Variants in SHANK1 observed in about 807,000 individuals in gnomAD.
The protein encoded by SHANK1 is SH3 and multiple ankyrin repeat domains 1.
In SHANK1, 35 loss-of-function variants were observed where a neutral mutation model predicts 165.6. That is an observed-to-expected ratio of 0.21 (90% CI 0.16 to 0.28). The LOEUF (loss-of-function observed/expected upper bound fraction) is 0.28, where lower values mean the gene tolerates loss of function less well. Ranked by LOEUF, SHANK1 falls within the 10% of genes least tolerant of loss-of-function variation. The pLI, the probability that SHANK1 is intolerant of heterozygous loss-of-function variation, is 1.00. For missense variants in SHANK1, 2,681 were observed against 3,036.4 expected, an observed-to-expected ratio of 0.88 and a Z score of 2.75; for synonymous variants, 1,428 against 1,384.8, an observed-to-expected ratio of 1.03 and a Z score of -0.69.
chr19:50,717,684 T>A lies in SHANK1; in HGVS notation c.-43-722A>T, dbSNP rs1223850457. ...GGGGCATCTTGAGAGGGTGTGCGGG[T>A]AGGTGGGGAGGTCGGCCTGGGGAGT... On this transcript the variant is annotated intron_variant, in intron 1 of 23. Coordinates refer to ENST00000293441, the MANE Select transcript of SHANK1 (RefSeq NM_016148.5). This position sits in a 1 kb window ranked among gnomAD's most constrained non-coding sequence, Gnocchi z 5.5. Among the ~76,000 whole-genome samples the A allele has an allele frequency of 6.6e-6, 1 of 151,598 alleles. No homozygotes were observed. Among genetic ancestry groups the A allele is most frequent in the African/African-American group, 2.4e-5 (1 of 41,216 alleles).
At chr19:50,699,419 G>A (rs1369558883) in intron 12 of SHANK1, among the ~76,000 whole-genome samples, 1 of 152,150 alleles carries the variant, frequency 6.6e-6, no homozygotes, top group African/African-American at 2.4e-5. Flanking sequence ...AAAATAAGAG[G>A]GTGTTTGGAG....
chr19:50,677,603 C>T (rs1986021903), intron 21 of SHANK1, among the ~76,000 whole-genome samples: 1 of 152,142 alleles, frequency 6.6e-6, no homozygotes, highest in Non-Finnish European at 1.5e-5. Context: ...ACCTTGAGAG[C>T]CCAGCAGCAG....
rs116319197 is a variant in SHANK1, at chr19:50,712,172, G to C, written c.793-58C>G. On this transcript the variant is annotated intron_variant, in intron 6 of 23. Coordinates refer to ENST00000293441, the MANE Select transcript of SHANK1 (RefSeq NM_016148.5). ...ACAGATGACAGTCACACATTAACCA[G>C]CTCATTCTGAAGGGCCAGGGGGACT... The C allele has an allele frequency of 4.7e-4, 708 of 1,517,992 alleles. 3 individuals are homozygous for C. The African/African-American group carries it at 9.0e-3, about 19-fold the overall frequency. 94.0% of individuals were successfully genotyped at this position (1,517,992 alleles called of 1,614,324 possible).
chr19:50,702,652 C>A lies in SHANK1; in HGVS notation c.1562G>T (p.Gly521Val). Residue 521 changes from glycine (G) to valine (V), a missense_variant, in exon 12 of 24, where the codon GGG (glycine) becomes GTG (valine). Gly to Val is a moderately radical substitution (Grantham distance 109). This residue lies in a region of SHANK1 where 195 missense variants were observed against 186.2 expected (regional missense o/e 1.05). Coordinates refer to ENST00000293441, the MANE Select transcript of SHANK1 (RefSeq NM_016148.5). The surrounding 1 kb of genome is among the most constrained non-coding windows in gnomAD (Gnocchi z 5.3). ...CCCGGCTGGCCCTTCCCGGGGTGTC[C>A]CGCTGGAGCTGCGTACACAGAGGGC... ...RQPRGRPSSS[G>V]TPREGPAGGT... The A allele has an allele frequency of 6.4e-7, 1 of 1,568,976 alleles. No individual in the cohort carries two copies. Among genetic ancestry groups the A allele is most frequent in the Non-Finnish European group, 8.6e-7 (1 of 1,159,016 alleles).
At chr19:50,712,265 CT>C in intron 6 of SHANK1, 151 bp from the exon 7 acceptor site, 1 of 784,440 alleles carries the variant, frequency 1.3e-6, no homozygotes, top group Non-Finnish European at 2.0e-6. Flanking sequence ...CTTGTGCAAC[CT>C]TGAGCCTGGC....
chr19:50,664,946 A>G (rs1037213011), intron 23 of SHANK1, among the ~76,000 whole-genome samples: 1 of 151,902 alleles, frequency 6.6e-6, no homozygotes, highest in African/African-American at 2.4e-5. Flanking sequence ...TTTAGTAGAG[A>G]TGGGGTTTCA....
chr19:50,666,760 C>T lies in SHANK1; in HGVS notation c.5200G>A (p.Gly1734Ser), dbSNP rs1453722245. ...LLDTYVAYLD[G>S]QAFGGSSTPG... Reference sequence around the variant, plus strand: ...GTACTGCTGCCCCCAAAGGCCTGGCCGTCCAGGTAGGCCACATAGGTGTCC... The same window carrying T: ...GTACTGCTGCCCCCAAAGGCCTGGCTGTCCAGGTAGGCCACATAGGTGTCC... Residue 1734 changes from glycine (G) to serine (S), a missense_variant, in exon 23 of 24, where the codon GGC becomes AGC. This residue lies in a region of SHANK1 where 1,713 missense variants were observed against 1,630.2 expected (regional missense o/e 1.05). Transcript: ENST00000293441. The T allele has an allele frequency of 1.3e-6, 2 of 1,557,032 alleles. No individual in the cohort carries two copies. Among genetic ancestry groups the T allele is most frequent in the East Asian group, 2.4e-5 (1 of 41,882 alleles).
rs748694149 is a variant in SHANK1 at position 50,662,559 on chromosome 19, C to T, written c.5892G>A (p.Ala1964=). 1.9e-5 allele frequency: 30 copies of T among 1,561,578 alleles called. No homozygotes were observed. Among genetic ancestry groups the T allele is most frequent in the Admixed American group, 1.5e-4 (8 of 51,886 alleles). The change falls in exon 24 of 24, where the codon GCG becomes GCA. Residue 1964 remains alanine, a synonymous_variant. Coordinates refer to ENST00000293441, the MANE Select transcript of SHANK1 (RefSeq NM_016148.5). This position sits in a 1 kb window ranked among gnomAD's most constrained non-coding sequence, Gnocchi z 7.7. The part of the protein sequence containing the change: ...TGTGVSPTAA[A]APGATSPSAS... ...CTGAGGGTGAGGTGGCCCCTGGGGC[C>T]GCAGCGGCTGTAGGGGAGACCCCTG... is the stretch of plus-strand genomic sequence containing the variant.
Position 50,659,876 on chromosome 19 carries a change from T to C in SHANK1, c.*2089A>G, listed in dbSNP as rs1167557629. The stretch of plus-strand genomic sequence containing the variant: ...GCAGGCCCCCTGCGGACTGGGGGCA[T>C]CCGACAAGGGGGAGGGGGCGGGTAG... On this transcript the variant is annotated 3_prime_UTR_variant, in exon 24 of 24. Transcript: ENST00000293441. Among the ~76,000 whole-genome samples the C allele has an allele frequency of 6.8e-6, 1 of 147,116 alleles. No individual in the cohort carries two copies.
intron 21 of SHANK1, among the ~76,000 whole-genome samples, chr19:50,676,139 ATT>A (rs11307439): frequency 2.0e-4 from 29 of 148,692 alleles, no homozygotes; most frequent in African/African-American, 4.2e-4. Flanking sequence ...CTCACCCCCA[ATT>A]TTTTTTTTTT....
intron 15 of SHANK1, among the ~76,000 whole-genome samples, chr19:50,695,021 C>T (rs1484932042): frequency 1.3e-5 from 2 of 148,640 alleles, no homozygotes; most frequent in South Asian, 2.1e-4. Flanking sequence ...CCCCCGCCGC[C>T]GACCGCAGAC....
In SHANK1 at chr19:50,659,912, C is replaced by A. The variant is rs572418428; in HGVS notation, c.*2053G>T. 5.7e-3 allele frequency among the ~76,000 whole-genome samples: 851 copies of A among 150,336 alleles called. 10 individuals are homozygous for A. The highest frequency in any genetic ancestry group is 0.02 in the African/African-American group (800 of 40,878). On this transcript the variant is annotated 3_prime_UTR_variant, in exon 24 of 24. Coordinates refer to ENST00000293441, the MANE Select transcript of SHANK1 (RefSeq NM_016148.5). ...GGAGGGGGCGGGTAGGGGTCCAGCG[C>A]GGCCTCTGCCCCTCTCTCACCACCC... is the stretch of plus-strand genomic sequence containing the variant.
chr19:50,662,236 G>T lies in SHANK1; in HGVS notation c.6215C>A (p.Ala2072Asp). The T allele has an allele frequency of 1.9e-6, 3 of 1,610,274 alleles. No homozygotes were observed. The highest frequency in any genetic ancestry group is 1.1e-5 in the South Asian group (1 of 90,726). Residue 2072 changes from alanine (A) to aspartate (D), a missense_variant, in exon 24 of 24, where the codon GCC becomes GAC. Transcript: ENST00000293441. This position sits in a 1 kb window ranked among gnomAD's most constrained non-coding sequence, Gnocchi z 7.7. ...SGGLGGALSGASRSLSPTRLL... is the reference protein window; with the variant it reads ...SGGLGGALSGDSRSLSPTRLL... ...GCGGGTCGGTGAGAGGGAGCGCGAG[G>T]CCCCTGACAAGGCTCCCCCGAGCCC...
chr19:50,711,539 T>A, intron 7 of SHANK1, 52 bp from the exon 8 acceptor site: 1 of 1,345,562 alleles, frequency 7.4e-7, no homozygotes, highest in Non-Finnish European at 1.0e-6. Context: ...CTGTTCTCCC[T>A]CTGGGCCAAG....
chr19:50,679,197 G>T (rs73042597), intron 21 of SHANK1, among the ~76,000 whole-genome samples: 5 of 83,374 alleles, frequency 6.0e-5, no homozygotes, highest in Non-Finnish European at 1.0e-4. Context: ...AGTGTGACGG[G>T]GAGGGGTCAG....
In SHANK1 at chr19:50,668,043, C is replaced by T; in HGVS notation, c.3917G>A (p.Ser1306Asn). 2.0e-6 allele frequency: 3 copies of T among 1,477,740 alleles called. No individual in the cohort carries two copies. The highest frequency in any genetic ancestry group is 2.7e-6 in the Non-Finnish European group (3 of 1,119,716). The allele number at this position is 1,477,740 out of a possible 1,614,324, so 91.5% of individuals were successfully genotyped here. A position where few individuals can be genotyped will look rare whatever the true frequency, so the allele number is the denominator to read the frequency against. Residue 1306 changes from serine to asparagine, a missense_variant, in exon 23 of 24, where the codon AGC becomes AAC. Ser to Asn is a conservative substitution (Grantham distance 46). Around this residue, in one of 10 missense-constraint regions of SHANK1, gnomAD observed 1,713 missense variants for 1,630.2 expected, o/e 1.05. Coordinates refer to ENST00000293441, the MANE Select transcript of SHANK1 (RefSeq NM_016148.5). ...CCCGTAGCCGCCGTAGCCCGCGCCG[C>T]TGCCCGCAGACTCCAGTCGGAGGTA... is the stretch of plus-strand genomic sequence containing the variant. ...EPYLRLESAG[S>N]GAGYGGYGAG... is the part of the protein sequence containing the mutation.
chr19:50,666,867 C>T lies in SHANK1; in HGVS notation c.5093G>A (p.Ser1698Asn). The change falls in exon 23 of 24, where the codon AGC becomes AAC. Residue 1698 changes from serine (S) to asparagine (N), a missense_variant. By Grantham distance (46) the Ser-to-Asn change is conservative (BLOSUM62 1). This residue lies in a region of SHANK1 where 1,713 missense variants were observed against 1,630.2 expected (regional missense o/e 1.05). Coordinates refer to ENST00000293441, the MANE Select transcript of SHANK1 (RefSeq NM_016148.5). ...LETISSASTL[S>N]SLSAEGGGSA... ...GCCACCACCTTCGGCAGATAGGCTG[C>T]TCAGCGTGGAGGCGCTGCTGATGGT... is the stretch of plus-strand genomic sequence containing the variant. 2 of 1,572,936 alleles carry T rather than the reference C, an allele frequency of 1.3e-6. No individual in the cohort carries two copies. The highest frequency in any genetic ancestry group is 1.2e-5 in the South Asian group (1 of 85,678).
rs746362946 is a variant in SHANK1, at chr19:50,661,950, C to G, written c.*15G>C. 1.9e-6 allele frequency: 3 copies of G among 1,612,766 alleles called. No individual in the cohort carries two copies. The highest frequency in any genetic ancestry group is 2.2e-5 in the East Asian group (1 of 44,860). On this transcript the variant is annotated 3_prime_UTR_variant, in exon 24 of 24. Transcript: ENST00000293441. ...AAGAGTTCTGTGGACGGGGCTGGTC[C>G]GTCCAGGCCAGCCATCACCTCTCCA...
At position 50,713,498 on chromosome 19, in the gene SHANK1, G is replaced by C. The variant is rs1430884191; in HGVS notation, c.792+300C>G. Among the ~76,000 whole-genome samples the C allele has an allele frequency of 6.6e-6, 1 of 152,056 alleles. No individual in the cohort carries two copies. Among genetic ancestry groups the C allele is most frequent in the East Asian group, 1.9e-4 (1 of 5,190 alleles). The stretch of plus-strand genomic sequence containing the variant: ...GGAATGAGAAGGGTTTACACCTTGG[G>C]GAGACAGAGGCAGATTTGGTATTAA... On this transcript the variant is annotated intron_variant, in intron 6 of 23. Coordinates refer to ENST00000293441, the MANE Select transcript of SHANK1 (RefSeq NM_016148.5). This position sits in a 1 kb window ranked among gnomAD's most constrained non-coding sequence, Gnocchi z 6.2.
Sources: gnomAD v4.1 joint callset for allele counts (sites outside exome capture counted in the v4.1 genomes callset) on GRCh38, gnomAD v4.1.1 for gene constraint, gnomAD v4.1.1 regional missense constraint, Gnocchi (gnomAD v3.1) non-coding constraint, MANE v1.5 for transcripts, NCBI Gene and HGNC (gene_info 2026-07-23, HGNC 2026-07-21) for gene names.